Variants in BRSK2 observed in about 807,000 individuals in gnomAD.
BRSK2 encodes BR serine/threonine kinase 2, also known as serine/threonine-protein kinase BRSK2.
A neutral mutation model predicts 83.3 loss-of-function variants in BRSK2; 19 were observed. The observed-to-expected ratio is 0.23, with a 90% confidence interval of 0.16 to 0.33. BRSK2 has a LOEUF of 0.33. BRSK2 is among the 10% of genes least tolerant of loss of function. BRSK2 has a pLI of 1.00. For missense variants in BRSK2, 798 were observed against 1,042.3 expected (o/e 0.77, Z 3.23); for synonymous variants, 519 against 435.4 (o/e 1.19, Z -2.39).
At chr11:1,451,555 C>T (rs1235948504) in intron 15 of BRSK2, 136 bp downstream of exon 15, 1 of 900,526 alleles carries the variant, frequency 1.1e-6, no homozygotes, top group African/African-American at 1.6e-5. Flanking sequence ...GCAGGCCCGT[C>T]TCGGCCACTG....
At chr11:1,397,990 A>G (rs1228882171) in intron 1 of BRSK2, among the ~76,000 whole-genome samples, 1 of 152,158 alleles carries the variant, frequency 6.6e-6, no homozygotes, top group Admixed American at 6.5e-5. Context: ...GGCCCCGGGC[A>G]GAGGTGGGAG....
chr11:1,439,742 T>C (rs1400216944), intron 3 of BRSK2, among the ~76,000 whole-genome samples: 1 of 149,326 alleles, frequency 6.7e-6, no homozygotes, highest in Non-Finnish European at 1.5e-5. Context: ...CCCACCACCT[T>C]CCCCTGCCCT....
intron 1 of BRSK2, among the ~76,000 whole-genome samples, chr11:1,414,665 C>T (rs1366823844): frequency 1.3e-5 from 2 of 152,190 alleles, no homozygotes; most frequent in Non-Finnish European, 2.9e-5. Flanking sequence ...ACGGTTAGCG[C>T]ATTCACGGTG....
rs1043357126 is a variant in BRSK2, at chr11:1,451,538, A to G, written c.1544+119A>G. ...CCTTCTCCACGTGGCCCCACCTCCCACTGCAGGCAGGCCCGTCTCGGCCAC... is the reference window on the plus strand; with the variant it reads ...CCTTCTCCACGTGGCCCCACCTCCCGCTGCAGGCAGGCCCGTCTCGGCCAC... On this transcript the variant is annotated intron_variant, in intron 15 of 19. Transcript: ENST00000528841. The G allele has an allele frequency of 5.6e-6, 6 of 1,062,260 alleles. 1 individual carries two copies. In the South Asian group the frequency reaches 7.8e-5, roughly 14 times the overall value. 65.8% of individuals were successfully genotyped at this position (1,062,260 alleles called of 1,614,324 possible). A position where few individuals can be genotyped will look rare whatever the true frequency, so the allele number is the denominator to read the frequency against.
At chr11:1,408,812 G>GGTGT (rs752611597) in intron 1 of BRSK2, among the ~76,000 whole-genome samples, 250 of 143,224 alleles carry the variant, frequency 1.7e-3, no homozygotes, top group African/African-American at 2.7e-3. Flanking sequence ...TGCCTGTGCT[G>GGTGT]GTGTGTGTGT....
chr11:1,390,388 G>C lies in BRSK2; in HGVS notation c.91+13G>C. The C allele has an allele frequency of 9.8e-7, 1 of 1,016,554 alleles. No individual in the cohort carries two copies. The highest frequency in any genetic ancestry group is 1.2e-6 in the Non-Finnish European group (1 of 842,930). 63.0% of individuals were successfully genotyped at this position (1,016,554 alleles called of 1,614,324 possible). On this transcript the variant is annotated intron_variant, in intron 1 of 19. Coordinates refer to ENST00000528841, the MANE Select transcript of BRSK2 (RefSeq NM_001256627.2). The surrounding 1 kb of genome is among the most constrained non-coding windows in gnomAD (Gnocchi z 6.8). ...AAGGGGCAGACAGGTGCGTGCGGCC[G>C]GGGCGGGGACCGGGGCCGGGGAGGC... is the stretch of plus-strand genomic sequence containing the variant.
intron 18 of BRSK2, chr11:1,457,095 G>T: frequency 6.8e-7 from 1 of 1,476,354 alleles, no homozygotes. Context: ...CTGCGGGCAG[G>T]TCCTCGGCGG....
At chr11:1,424,298 T>G (rs887178960) in intron 1 of BRSK2, among the ~76,000 whole-genome samples, 1 of 151,942 alleles carries the variant, frequency 6.6e-6, no homozygotes, top group African/African-American at 2.4e-5. Context: ...TGCGAGGCCC[T>G]CACCCCCTAC....
At chr11:1,401,218 G>C (rs1846455689) in intron 1 of BRSK2, among the ~76,000 whole-genome samples, 1 of 152,234 alleles carries the variant, frequency 6.6e-6, no homozygotes, top group Admixed American at 6.5e-5. Flanking sequence ...CACCTGGCCT[G>C]TGTCCTCAGC....
chr11:1,446,008 A>C, intron 12 of BRSK2, 101 bp downstream of exon 12: 3 of 1,381,304 alleles, frequency 2.2e-6, no homozygotes, highest in Non-Finnish European at 2.9e-6. Flanking sequence ...GTCTCGGCTG[A>C]GGCCATTGGG....
At chr11:1,419,280 G>A (rs1848415766) in intron 1 of BRSK2, among the ~76,000 whole-genome samples, 1 of 152,094 alleles carries the variant, frequency 6.6e-6, no homozygotes, top group Admixed American at 6.5e-5. Flanking sequence ...TCAGGTGTGA[G>A]TCTGGGCACC....
intron 17 of BRSK2, 27 bp from the exon 18 acceptor site, chr11:1,456,571 C>T (rs1055179901): frequency 1.9e-6 from 3 of 1,607,646 alleles, no homozygotes; most frequent in Non-Finnish European, 2.5e-6. Context: ...CAGGCCCGTC[C>T]AGGGCATAAC....
At chr11:1,447,088 A>C (rs1051289418) in intron 12 of BRSK2, among the ~76,000 whole-genome samples, 1 of 151,926 alleles carries the variant, frequency 6.6e-6, no homozygotes, top group African/African-American at 2.4e-5. Flanking sequence ...CCAGGGTTTC[A>C]GGCTGGCCCA....
At position 1,438,250 on chromosome 11, in the gene BRSK2, G is replaced by C; in HGVS notation, c.187-56G>C. ...TGGCACCAAAGGCAGTGTCTGTGGG[G>C]AGCGATGCGTGCCCCAGCCCTGTGA... On this transcript the variant is annotated intron_variant, in intron 2 of 19. Coordinates refer to ENST00000528841, the MANE Select transcript of BRSK2 (RefSeq NM_001256627.2). This position sits in a 1 kb window ranked among gnomAD's most constrained non-coding sequence, Gnocchi z 6.4. 4.5e-6 allele frequency: 7 copies of C among 1,545,520 alleles called. No homozygotes were observed. Among genetic ancestry groups the C allele is most frequent in the Non-Finnish European group, 5.4e-6 (6 of 1,120,270 alleles).
chr11:1,422,717 G>C (rs1270454558), intron 1 of BRSK2, among the ~76,000 whole-genome samples: 1 of 152,168 alleles, frequency 6.6e-6, no homozygotes, highest in African/African-American at 2.4e-5. Flanking sequence ...AGGCAGGCCT[G>C]ACCGTCCAAG....
In BRSK2 at chr11:1,461,867, C is replaced by T. The variant is rs1268536633; in HGVS notation, c.*1144C>T. 2 of 137,962 alleles carry T rather than the reference C, an allele frequency of 1.4e-5. No individual in the cohort carries two copies. Among genetic ancestry groups the T allele is most frequent in the Non-Finnish European group, 3.1e-5 (2 of 63,810 alleles). 8.5% of individuals were successfully genotyped at this position (137,962 alleles called of 1,614,324 possible). On this transcript the variant is annotated 3_prime_UTR_variant, in exon 20 of 20. Coordinates refer to ENST00000528841, the MANE Select transcript of BRSK2 (RefSeq NM_001256627.2). ...ACACACACATCTAAAGACGGTGCGG[C>T]TCGCTCTGTCATGGGTTCCGTCTCT...
intron 18 of BRSK2, among the ~76,000 whole-genome samples, chr11:1,458,686 G>C (rs961574690): frequency 6.6e-6 from 1 of 152,178 alleles, no homozygotes; most frequent in Non-Finnish European, 1.5e-5. Flanking sequence ...CCCTCCCAGG[G>C]CCTTGCTCCC....
chr11:1,405,571 C>T (rs1409808372), intron 1 of BRSK2, among the ~76,000 whole-genome samples: 1 of 152,066 alleles, frequency 6.6e-6, no homozygotes, highest in Non-Finnish European at 1.5e-5. Context: ...CATGCCCTGT[C>T]CTGCCCAGGG....
rs1305949105 is a variant in BRSK2 at position 1,438,810 on chromosome 11, G to A, written c.272+419G>A. Among the ~76,000 whole-genome samples the A allele has an allele frequency of 6.6e-6, 1 of 152,168 alleles. No individual in the cohort carries two copies. The highest frequency in any genetic ancestry group is 1.5e-5 in the Non-Finnish European group (1 of 68,020). On this transcript the variant is annotated intron_variant, in intron 3 of 19. Coordinates refer to ENST00000528841, the MANE Select transcript of BRSK2 (RefSeq NM_001256627.2). The surrounding 1 kb of genome is among the most constrained non-coding windows in gnomAD (Gnocchi z 6.4). Reference sequence around the variant, plus strand: ...TATCCCTGAGGCTCCCTCACACGAGGCACAGCCACCAGGATCCCGCCCTGG... The same window carrying A: ...TATCCCTGAGGCTCCCTCACACGAGACACAGCCACCAGGATCCCGCCCTGG...
Sources: gnomAD v4.1 joint callset for allele counts (sites outside exome capture counted in the v4.1 genomes callset) on GRCh38, gnomAD v4.1.1 for gene constraint, Gnocchi (gnomAD v3.1) non-coding constraint, MANE v1.5 for transcripts, NCBI Gene and HGNC (gene_info 2026-07-23, HGNC 2026-07-21) for gene names.